Variants in SDK1 observed in about 807,000 individuals in gnomAD.
The protein encoded by SDK1 is sidekick cell adhesion molecule 1, also known as protein sidekick-1.
SDK1 carries 157 observed loss-of-function variants against 245.5 expected under a neutral mutation model. The ratio of observed to expected loss-of-function variants is 0.64; its 90% CI spans 0.56 to 0.73. The LOEUF is 0.73. SDK1 is among the 30% of genes least tolerant of loss of function. The probability of loss-of-function intolerance (pLI) is 0.00; values close to 1 mark genes in which losing one functional copy is unlikely to be tolerated. For synonymous variants in SDK1, 1,647 were observed against 1,278.5 expected, an observed-to-expected ratio of 1.29 and a Z score of -6.15; for missense variants, 3,583 against 3,002.3, an observed-to-expected ratio of 1.19 and a Z score of -4.52.
In SDK1 at chr7:3,987,363, G is replaced by A. The variant is rs115766906; in HGVS notation, c.2131+41G>A. 2.5e-3 allele frequency: 4,031 copies of A among 1,605,404 alleles called. 101 individuals carry two copies. In the African/African-American group the frequency reaches 0.049, roughly 19 times the overall value. On this transcript the variant is annotated intron_variant, in intron 14 of 44. Coordinates refer to ENST00000404826, the MANE Select transcript of SDK1 (RefSeq NM_152744.4). ...AAACTGTCACCATGGACGATAATCA[G>A]ATTTTTGTGTGTGCTCTTAATGTCC... is the stretch of plus-strand genomic sequence containing the variant.
chr7:3,701,685 C>T (rs112441426), intron 4 of SDK1, among the ~76,000 whole-genome samples: 1,843 of 152,010 alleles, frequency 0.012, 37 homozygotes, highest in African/African-American at 0.04. Context: ...TTGGAAAAGA[C>T]GGATAAGGTA....
chr7:3,668,820 C>T (rs753346717), intron 4 of SDK1, among the ~76,000 whole-genome samples: 1 of 152,124 alleles, frequency 6.6e-6, no homozygotes, highest in Non-Finnish European at 1.5e-5. Context: ...ACTATATTGC[C>T]TTTTATGATG....
At chr7:3,628,916 C>G (rs976153597) in intron 2 of SDK1, among the ~76,000 whole-genome samples, 6 of 152,036 alleles carry the variant, frequency 3.9e-5, no homozygotes, top group Non-Finnish European at 8.8e-5. Context: ...CAGGCAGAAC[C>G]TAGAGGACCT....
At chr7:3,986,266 G>T (rs2128138856) in intron 13 of SDK1, among the ~76,000 whole-genome samples, 2 of 151,798 alleles carry the variant, frequency 1.3e-5, no homozygotes, top group Admixed American at 1.3e-4. Context: ...CCATTTCATA[G>T]CCTTGCTGAT....
At chr7:4,064,763 C>A (rs1277933940) in intron 19 of SDK1, among the ~76,000 whole-genome samples, 1 of 152,138 alleles carries the variant, frequency 6.6e-6, no homozygotes, top group Non-Finnish European at 1.5e-5. Context: ...TTTGCAGCAA[C>A]ATGCAGGGAA....
intron 1 of SDK1, among the ~76,000 whole-genome samples, chr7:3,535,474 A>C (rs1778856446): frequency 1.3e-5 from 2 of 152,122 alleles, no homozygotes; most frequent in African/African-American, 4.8e-5. Flanking sequence ...GGTGTATGGA[A>C]AGAAAGCTGG....
intron 1 of SDK1, among the ~76,000 whole-genome samples, chr7:3,350,943 A>C (rs73048661): frequency 0.1 from 15,693 of 152,278 alleles, 1,017 homozygotes; most frequent in African/African-American, 0.18. Context: ...AAGGAGAATT[A>C]TGGTAGGGTA....
chr7:3,406,505 T>A (rs1022821576), intron 1 of SDK1, among the ~76,000 whole-genome samples: 8 of 152,104 alleles, frequency 5.3e-5, no homozygotes, highest in Admixed American at 6.6e-5. Context: ...TGTTTAAATC[T>A]TCTCTCTCTC....
chr7:3,527,528 C>T (rs538000077), intron 1 of SDK1, among the ~76,000 whole-genome samples: 44 of 152,074 alleles, frequency 2.9e-4, no homozygotes, highest in Non-Finnish European at 5.3e-4. Flanking sequence ...GGTCAGAGTG[C>T]CTGGATGATA....
intron 5 of SDK1, among the ~76,000 whole-genome samples, chr7:3,879,563 C>T (rs6978060): frequency 0.21 from 31,365 of 152,156 alleles, 3,366 homozygotes; most frequent in Middle Eastern, 0.32. Flanking sequence ...AATTCTGTAC[C>T]GGCTCCTGGC....
intron 1 of SDK1, among the ~76,000 whole-genome samples, chr7:3,386,184 T>C (rs1407464140): frequency 6.6e-6 from 1 of 152,200 alleles, no homozygotes; most frequent in African/African-American, 2.4e-5. Context: ...TGTATTAGCA[T>C]CCAGCCAAAT....
chr7:3,391,662 G>C (rs1309858291), intron 1 of SDK1, among the ~76,000 whole-genome samples: 1 of 146,886 alleles, frequency 6.8e-6, no homozygotes, highest in East Asian at 2.0e-4. Flanking sequence ...TTTGAGACAG[G>C]GTCTTGCTCT....
intron 32 of SDK1, among the ~76,000 whole-genome samples, chr7:4,172,035 G>A (rs1381202012): frequency 6.6e-6 from 1 of 152,222 alleles, no homozygotes; most frequent in Non-Finnish European, 1.5e-5. Context: ...CTGGAGTAGT[G>A]TCTAAGGGTG....
At chr7:4,033,168 C>A (rs35012792) in intron 17 of SDK1, among the ~76,000 whole-genome samples, 47,387 of 151,910 alleles carry the variant, frequency 0.31, 11,309 homozygotes, top group African/African-American at 0.67. Flanking sequence ...TTCGATATGG[C>A]AATTTAGTAT....
chr7:3,996,156 TAATC>T (rs915457804), intron 14 of SDK1, among the ~76,000 whole-genome samples: 1 of 152,206 alleles, frequency 6.6e-6, no homozygotes, highest in Non-Finnish European at 1.5e-5. Flanking sequence ...ATTTATTAAA[TAATC>T]TATTTATTTA....
rs995830858 is a variant in SDK1, at chr7:3,738,642, A to G, written c.714-82808A>G. On this transcript the variant is annotated intron_variant, in intron 4 of 44. Transcript: ENST00000404826. ...CATTTTGGGAAGTATTGACATCGTA[A>G]TAATAAGTCATCTGATTTGTGAAAT... Among the ~76,000 whole-genome samples, 28 of 152,288 alleles carry G rather than the reference A, an allele frequency of 1.8e-4. 1 individual carries two copies. The highest frequency in any genetic ancestry group is 3.4e-3 in the Middle Eastern group (1 of 294).
chr7:3,538,123 A>G (rs1004739170), intron 1 of SDK1, among the ~76,000 whole-genome samples: 5 of 152,034 alleles, frequency 3.3e-5, no homozygotes, highest in African/African-American at 4.8e-5. Context: ...TAAAATCCAG[A>G]TTTCTTAGCA....
At chr7:3,826,810 T>A (rs1456466108) in intron 5 of SDK1, among the ~76,000 whole-genome samples, 2 of 152,184 alleles carry the variant, frequency 1.3e-5, no homozygotes, top group African/African-American at 2.4e-5. Flanking sequence ...CTTCTTGGGC[T>A]TTCGGTGAGA....
rs181258841 is a variant in SDK1, at chr7:3,498,895, T to C, written c.299-120185T>C. Among the ~76,000 whole-genome samples, 22 of 152,308 alleles carry C rather than the reference T, an allele frequency of 1.4e-4. No individual in the cohort carries two copies. In the South Asian group the frequency reaches 3.9e-3, roughly 27 times the overall value. On this transcript the variant is annotated intron_variant, in intron 1 of 44. Coordinates refer to ENST00000404826, the MANE Select transcript of SDK1 (RefSeq NM_152744.4). ...TTTCTTATCCTGCTACATGACACTT[T>C]AGGGGACCCAGTGGGCATAAGGGCA... is the stretch of plus-strand genomic sequence containing the variant.
Sources: allele counts gnomAD v4.1 joint callset (sites outside exome capture counted in the v4.1 genomes callset), GRCh38; gene constraint gnomAD v4.1.1; transcripts MANE v1.5; gene names NCBI Gene and HGNC (gene_info 2026-07-23, HGNC 2026-07-21).